PNLIPRP3: variants seen among roughly 807,000 people sequenced by gnomAD.
PNLIPRP3 encodes pancreatic lipase-related protein 3.
In PNLIPRP3, 58 loss-of-function variants were observed where a neutral mutation model predicts 52.8. The ratio of observed to expected loss-of-function variants is 1.10; its 90% CI spans 0.89 to 1.37. The LOEUF is 1.37. Among genes scored for constraint, PNLIPRP3 ranks in the 40% most tolerant of loss-of-function variants. PNLIPRP3 has a pLI of 0.00. For synonymous variants in PNLIPRP3, 192 were observed against 185.0 expected, an observed-to-expected ratio of 1.04 and a Z score of -0.31; for missense variants, 593 against 561.6, an observed-to-expected ratio of 1.06 and a Z score of -0.57.
At chr10:116,446,263 G>A (rs556493843) in intron 4 of PNLIPRP3, among the ~76,000 whole-genome samples, 2 of 150,932 alleles carry the variant, frequency 1.3e-5, no homozygotes, top group Admixed American at 6.6e-5. Flanking sequence ...GGAGAATGGT[G>A]TGAACCCGGG....
At chr10:116,466,303 T>C (rs1336655265) in intron 8 of PNLIPRP3, 135 bp downstream of exon 8, 2 of 630,762 alleles carry the variant, frequency 3.2e-6, no homozygotes, top group Non-Finnish European at 5.5e-6. Flanking sequence ...GGATTGTTTC[T>C]GTGCTGAGTA....
intron 9 of PNLIPRP3, 64 bp from the exon 10 acceptor site, chr10:116,471,704 A>G: frequency 2.5e-6 from 3 of 1,217,990 alleles, no homozygotes; most frequent in South Asian, 1.2e-5. Flanking sequence ...GGATCCAGGA[A>G]GTCATACTTC....
chr10:116,467,515 C>T (rs2133152375), intron 8 of PNLIPRP3, among the ~76,000 whole-genome samples: 1 of 152,210 alleles, frequency 6.6e-6, no homozygotes, highest in Admixed American at 6.5e-5. Flanking sequence ...GCACTGCTAC[C>T]CATGTTTTTA....
At chr10:116,469,950 A>G (rs1415707581) in intron 9 of PNLIPRP3, among the ~76,000 whole-genome samples, 2 of 140,902 alleles carry the variant, frequency 1.4e-5, no homozygotes, top group East Asian at 4.2e-4. Context: ...CCTGTTACAC[A>G]ATTATTGCCA....
chr10:116,427,990 T>C lies in PNLIPRP3; in HGVS notation c.-23T>C. ...GTAAAGATCTTCAAGAAGATTTTTA[T>C]GTGATTTAAAAAATCAGCTTAGATG... On this transcript the variant is annotated 5_prime_UTR_variant, in exon 1 of 12. The change abolishes an upstream ATG in the 5' untranslated region. Coordinates refer to ENST00000369230, the MANE Select transcript of PNLIPRP3 (RefSeq NM_001011709.3). The C allele has an allele frequency of 2.5e-6, 4 of 1,589,710 alleles. No individual in the cohort carries two copies. The highest frequency in any genetic ancestry group is 3.4e-6 in the Non-Finnish European group (4 of 1,159,976).
chr10:116,457,657 A>G (rs777291125), intron 5 of PNLIPRP3, among the ~76,000 whole-genome samples: 1 of 152,180 alleles, frequency 6.6e-6, no homozygotes, highest in African/African-American at 2.4e-5. Flanking sequence ...TTTCAAGCCC[A>G]GAAAAAAGAA....
At chr10:116,459,389 C>T (rs1372529453) in intron 5 of PNLIPRP3, among the ~76,000 whole-genome samples, 3 of 152,092 alleles carry the variant, frequency 2.0e-5, no homozygotes, top group Non-Finnish European at 4.4e-5. Context: ...CCAGAGGTGT[C>T]AACGGCAATG....
At chr10:116,437,185 A>T (rs1845786632) in intron 2 of PNLIPRP3, among the ~76,000 whole-genome samples, 1 of 152,198 alleles carries the variant, frequency 6.6e-6, no homozygotes, top group Non-Finnish European at 1.5e-5. Context: ...TTGTCTATTG[A>T]ATTGAATAAA....
intron 5 of PNLIPRP3, among the ~76,000 whole-genome samples, chr10:116,457,971 A>G (rs1425149248): frequency 5.3e-5 from 8 of 152,184 alleles, no homozygotes; most frequent in Non-Finnish European, 1.0e-4. Context: ...TTTTTGGGCA[A>G]TCATGTTCCT....
chr10:116,468,126 CAAAAAAAAAAAA>C (rs5788168), intron 8 of PNLIPRP3, among the ~76,000 whole-genome samples: 2 of 39,496 alleles, frequency 5.1e-5, no homozygotes, highest in Non-Finnish European at 7.8e-5. Flanking sequence ...CTCTGTCTCG[CAAAAAAAAAAAA>C]AAAAAAAAAA....
chr10:116,437,806 C>T (rs527978208), intron 2 of PNLIPRP3, among the ~76,000 whole-genome samples: 1 of 152,146 alleles, frequency 6.6e-6, no homozygotes, highest in Admixed American at 6.5e-5. Context: ...CTCAATTCAT[C>T]AGCCACACCA....
intron 2 of PNLIPRP3, among the ~76,000 whole-genome samples, chr10:116,437,970 T>G (rs1484692744): frequency 6.6e-6 from 1 of 152,134 alleles, no homozygotes; most frequent in Non-Finnish European, 1.5e-5. Flanking sequence ...GGAAACAGCC[T>G]GAACTGCAGT....
intron 10 of PNLIPRP3, among the ~76,000 whole-genome samples, chr10:116,475,720 G>A (rs532106990): frequency 1.3e-5 from 2 of 152,254 alleles, no homozygotes; most frequent in South Asian, 2.1e-4. Flanking sequence ...ACACAGGTCC[G>A]TCTTTCACAG....
intron 4 of PNLIPRP3, among the ~76,000 whole-genome samples, chr10:116,452,041 G>A (rs1846048316): frequency 6.6e-6 from 1 of 152,180 alleles, no homozygotes; most frequent in Non-Finnish European, 1.5e-5. Flanking sequence ...TATGGACAGT[G>A]AAATCCAGGC....
chr10:116,448,302 G>A (rs530620881), intron 4 of PNLIPRP3, among the ~76,000 whole-genome samples: 2 of 152,134 alleles, frequency 1.3e-5, no homozygotes, highest in Non-Finnish European at 2.9e-5. Flanking sequence ...AAGTAAAAGT[G>A]TTGACTTTGG....
At chr10:116,465,688 C>T (rs1294031321) in intron 7 of PNLIPRP3, among the ~76,000 whole-genome samples, 9 of 152,204 alleles carry the variant, frequency 5.9e-5, no homozygotes, top group African/African-American at 2.2e-4. Context: ...TCAGGCTTCA[C>T]ACTGTTTTTG....
In PNLIPRP3 at chr10:116,445,325, T is replaced by G. The variant is rs2133123493; in HGVS notation, c.456+812T>G. On this transcript the variant is annotated intron_variant, in intron 4 of 11. Transcript: ENST00000369230. ...GTGAAGAAAATGCAAGGCAGTAGAA[T>G]GGAGAATGGCAGAAGCAGAAACAAA... 2.0e-5 allele frequency among the ~76,000 whole-genome samples: 3 copies of G among 152,232 alleles called. No homozygotes were observed. In the Middle Eastern group the frequency reaches 0.01, roughly 518 times the overall value.
At chr10:116,439,258 A>G (rs531208448) in intron 2 of PNLIPRP3, among the ~76,000 whole-genome samples, 42 of 152,218 alleles carry the variant, frequency 2.8e-4, no homozygotes, top group Non-Finnish European at 5.4e-4. Context: ...ATACAGTTTC[A>G]GGGTGCTCCA....
intron 4 of PNLIPRP3, among the ~76,000 whole-genome samples, chr10:116,451,421 T>C (rs927896528): frequency 9.2e-5 from 14 of 151,998 alleles, no homozygotes; most frequent in African/African-American, 4.8e-5. Context: ...AAAGCAAAAA[T>C]AGACAAAGAG....
Sources: allele counts gnomAD v4.1 joint callset (sites outside exome capture counted in the v4.1 genomes callset), GRCh38; gene constraint gnomAD v4.1.1; transcripts MANE v1.5; gene names NCBI Gene and HGNC (gene_info 2026-07-23, HGNC 2026-07-21).